Variants in PIGZ observed in about 807,000 individuals in gnomAD.
PIGZ encodes phosphatidylinositol glycan anchor biosynthesis class Z (Gwada blood group), also known as GPI alpha-1,2-mannosyltransferase 4.
In PIGZ, 16 loss-of-function variants were observed where a neutral mutation model predicts 16.4. The ratio of observed to expected loss-of-function variants is 0.97; its 90% confidence interval spans 0.66 to 1.48. PIGZ has a LOEUF of 1.48. PIGZ is among the 40% of genes most tolerant of loss of function. PIGZ has a pLI of 0.00. For synonymous variants in PIGZ, 409 were observed against 338.4 expected (o/e 1.21, Z -2.29); for missense variants, 770 against 739.2 (o/e 1.04, Z -0.48).
chr3:196,947,523 G>A lies in PIGZ; in HGVS notation c.1374C>T (p.Tyr458=), dbSNP rs762841435. 1.2e-6 allele frequency: 2 copies of A among 1,613,754 alleles called. No homozygotes were observed. Among genetic ancestry groups the A allele is most frequent in the Non-Finnish European group, 1.7e-6 (2 of 1,180,012 alleles). ...APVLPSTPTH[Y]TLLFTHTYMP... ...TGTAGGTGTGAGTGAAGAGGAGTGT[G>A]TAGTGGGTGGGTGTGCTTGGGAGCA... is the stretch of plus-strand genomic sequence containing the variant. The change falls in exon 3 of 3, where the codon TAC becomes TAT. Residue 458 remains tyrosine (Y), a synonymous_variant. Coordinates refer to ENST00000412723, the MANE Select transcript of PIGZ (RefSeq NM_025163.4).
Position 196,960,013 on chromosome 3 carries a change from T to A in PIGZ, c.1-7982A>T, listed in dbSNP as rs78260750. Among the ~76,000 whole-genome samples, 45 of 152,354 alleles carry A rather than the reference T, an allele frequency of 3.0e-4. No homozygotes were observed. The East Asian group carries it at 8.1e-3, about 27-fold the overall frequency. On this transcript the variant is annotated intron_variant, in intron 1 of 2. Transcript: ENST00000412723. ...AAACAAGATCATTGAAGACATGGGA[T>A]GTTCGTGCATCAGCTTTCCACTATC...
At position 196,947,124 on chromosome 3, in the gene PIGZ, T is replaced by G; in HGVS notation, c.*33A>C. The G allele has an allele frequency of 2.0e-6, 3 of 1,511,684 alleles. No individual in the cohort carries two copies. Among genetic ancestry groups the G allele is most frequent in the Non-Finnish European group, 2.7e-6 (3 of 1,128,014 alleles). The allele number at this position is 1,511,684 out of a possible 1,614,324, so 93.6% of individuals were successfully genotyped here. A position where few individuals can be genotyped will look rare whatever the true frequency, so the allele number is the denominator to read the frequency against. On this transcript the variant is annotated 3_prime_UTR_variant, in exon 3 of 3. Transcript: ENST00000412723. ...AAGGTGGGGCGGCATCTTCTATGGC[T>G]GAGTCTTGGGCAGTGGGTGCTCTGT...
At chr3:196,967,162 G>T (rs996660881) in intron 1 of PIGZ, among the ~76,000 whole-genome samples, 2 of 152,058 alleles carry the variant, frequency 1.3e-5, no homozygotes, top group Non-Finnish European at 2.9e-5. Flanking sequence ...GGAGGGGAGG[G>T]AAGGGAGTAG....
chr3:196,955,821 T>C (rs1235613955), intron 1 of PIGZ, among the ~76,000 whole-genome samples: 5 of 152,032 alleles, frequency 3.3e-5, no homozygotes, highest in Non-Finnish European at 7.4e-5. Flanking sequence ...TCAGGTGATC[T>C]GCCCACCTCA....
chr3:196,948,878 T>TC (rs768686394), intron 2 of PIGZ, among the ~76,000 whole-genome samples, 193 bp from the exon 3 acceptor site: 3,015 of 19,970 alleles, frequency 0.15, 982 homozygotes, highest in African/African-American at 0.46. Context: ...CTTCCTTCCT[T>TC]CCCTTCCTTC....
Position 196,948,293 on chromosome 3 carries a change from G to T in PIGZ, c.604C>A (p.Arg202Ser), listed in dbSNP as rs202160888. ...CGTGGACCCGGCGCCGGCTCCTTGC[G>T]TGTAGGGCCCCACGTTACATGGGAG... The part of the protein sequence containing the change: ...VSSHVTWGPT[R>S]KEPAPGPRWR... The change falls in exon 3 of 3, where the codon CGC becomes AGC. Residue 202 changes from arginine (R) to serine (S), a missense_variant. Arg to Ser is a moderately radical substitution (Grantham distance 110, BLOSUM62 -1). Transcript: ENST00000412723. 6.2e-6 allele frequency: 10 copies of T among 1,614,016 alleles called. No individual in the cohort carries two copies. The Admixed American group carries it at 1.3e-4, about 22-fold the overall frequency.
intron 1 of PIGZ, among the ~76,000 whole-genome samples, chr3:196,955,255 T>C (rs535825392): frequency 6.6e-6 from 1 of 152,314 alleles, no homozygotes; most frequent in East Asian, 1.9e-4. Flanking sequence ...ATTTATTGAT[T>C]TTTTACTGCT....
At chr3:196,948,870 TCCTTCCTTC>T (rs372510936) in intron 2 of PIGZ, among the ~76,000 whole-genome samples, 185 bp from the exon 3 acceptor site, 22,169 of 66,106 alleles carry the variant, frequency 0.34, 8,309 homozygotes, top group Admixed American at 0.41. Context: ...TTCCTTCCCT[TCCTTCCTTC>T]CCTTCCTTCC....
chr3:196,950,744 C>T (rs1381727391), intron 2 of PIGZ, among the ~76,000 whole-genome samples: 1 of 145,602 alleles, frequency 6.9e-6, no homozygotes, highest in African/African-American at 2.6e-5. Flanking sequence ...CTTCATTAGA[C>T]TTTTTTTTTT....
Position 196,947,701 on chromosome 3 carries a change from A to G in PIGZ, c.1196T>C (p.Leu399Pro), listed in dbSNP as rs759353698. 6.8e-6 allele frequency: 11 copies of G among 1,613,254 alleles called. No homozygotes were observed. Among genetic ancestry groups the G allele is most frequent in the Non-Finnish European group, 9.3e-6 (11 of 1,179,594 alleles). Residue 399 changes from leucine (L) to proline (P), a missense_variant, in exon 3 of 3, where the codon CTG (leucine) becomes CCG (proline). Transcript: ENST00000412723. Reference sequence around the variant, plus strand: ...CGTCTGTGGACTACAAAGCAGGACCAGGGGGACCAGGAGGGGAATCAGGAA... The same window carrying G: ...CGTCTGTGGACTACAAAGCAGGACCGGGGGGACCAGGAGGGGAATCAGGAA... ...ARFLIPLLVPLVLLCSPQTQP... is the reference protein window; with the variant it reads ...ARFLIPLLVPPVLLCSPQTQP...
chr3:196,947,434 C>T lies in PIGZ; in HGVS notation c.1463G>A (p.Gly488Glu), dbSNP rs368037497. ...GCACAGGGCCCAGTCCTCAGTCCCCCCCATGTCCACCACCTCCACTGGTGC... is the reference window on the plus strand; with the variant it reads ...GCACAGGGCCCAGTCCTCAGTCCCCTCCATGTCCACCACCTCCACTGGTGC... ...LGAPVEVVDM[G>E]GTEDWALCQT... The change falls in exon 3 of 3, where the codon GGG becomes GAG. Residue 488 changes from glycine (G) to glutamate (E), a missense_variant. Transcript: ENST00000412723. 20 of 1,613,670 alleles carry T rather than the reference C, an allele frequency of 1.2e-5. 1 individual carries two copies. Among genetic ancestry groups the T allele is most frequent in the South Asian group, 8.8e-5 (8 of 91,076 alleles).
At chr3:196,955,011 G>A (rs375249387) in intron 1 of PIGZ, among the ~76,000 whole-genome samples, 2 of 151,598 alleles carry the variant, frequency 1.3e-5, no homozygotes, top group Admixed American at 6.6e-5. Context: ...CTGTAGCCTC[G>A]ACCTCCTGGG....
At chr3:196,951,192 A>G (rs1717266967) in intron 2 of PIGZ, among the ~76,000 whole-genome samples, 1 of 152,240 alleles carries the variant, frequency 6.6e-6, no homozygotes, top group Non-Finnish European at 1.5e-5. Context: ...ATGACCTTAA[A>G]GAGAGAAGTA....
At position 196,946,690 on chromosome 3, in the gene PIGZ, ATACTT is replaced by A. The variant is rs1282769692; in HGVS notation, c.*462_*466del. On this transcript the variant is annotated 3_prime_UTR_variant, in exon 3 of 3. Coordinates refer to ENST00000412723, the MANE Select transcript of PIGZ (RefSeq NM_025163.4). ...CCTGGATCTGGGCCACCTGTTCTCTATACTTCGTCTCACTGACTTGCACATATTTC... is the reference window on the plus strand; with the variant it reads ...CCTGGATCTGGGCCACCTGTTCTCTACGTCTCACTGACTTGCACATATTTC... 2.0e-5 allele frequency: 3 copies of A among 153,096 alleles called. No individual in the cohort carries two copies. Among genetic ancestry groups the A allele is most frequent in the Non-Finnish European group, 4.4e-5 (3 of 68,724 alleles). The allele number at this position is 153,096 out of a possible 1,614,324, so 9.5% of individuals were successfully genotyped here.
At chr3:196,952,252 T>C (rs1235777202) in intron 1 of PIGZ, among the ~76,000 whole-genome samples, 1 of 152,168 alleles carries the variant, frequency 6.6e-6, no homozygotes, top group African/African-American at 2.4e-5. Flanking sequence ...GTTGTACAGA[T>C]GGGGAAACGG....
In PIGZ at chr3:196,948,350, G is replaced by A. The variant is rs768785973; in HGVS notation, c.547C>T (p.Leu183Phe). The change falls in exon 3 of 3, where the codon CTC becomes TTC. Residue 183 changes from leucine to phenylalanine, a missense_variant. Coordinates refer to ENST00000412723, the MANE Select transcript of PIGZ (RefSeq NM_025163.4). ...TRTFSNTIEG[L>F]LFTWLLVLVS... Reference sequence around the variant, plus strand: ...AGCACCAGCAGCCACGTGAAGAGGAGTCCCTCAATGGTGTTGGAGAAGGTC... The same window carrying A: ...AGCACCAGCAGCCACGTGAAGAGGAATCCCTCAATGGTGTTGGAGAAGGTC... 3.9e-5 allele frequency: 63 copies of A among 1,614,092 alleles called. No individual in the cohort carries two copies. The highest frequency in any genetic ancestry group is 1.2e-4 in the Admixed American group (7 of 60,002).
chr3:196,946,851 A>C lies in PIGZ; in HGVS notation c.*306T>G. ...TTGTCTTTTTTCACAACCAGGTACT[A>C]TCACATATTTCAAACATCACAGTGG... On this transcript the variant is annotated 3_prime_UTR_variant, in exon 3 of 3. Transcript: ENST00000412723. The C allele has an allele frequency of 3.2e-6, 1 of 309,392 alleles. No individual in the cohort carries two copies. Among genetic ancestry groups the C allele is most frequent in the Non-Finnish European group, 6.0e-6 (1 of 168,002 alleles). The allele number at this position is 309,392 out of a possible 1,614,324, so 19.2% of individuals were successfully genotyped here. A position where few individuals can be genotyped will look rare whatever the true frequency, so the allele number is the denominator to read the frequency against.
intron 1 of PIGZ, among the ~76,000 whole-genome samples, chr3:196,968,155 G>A (rs1229846090): frequency 6.6e-6 from 1 of 152,198 alleles, no homozygotes; most frequent in Non-Finnish European, 1.5e-5. Flanking sequence ...CCTGGGGCAG[G>A]AGGCCATCCT....
chr3:196,960,085 G>A (rs1352658480), intron 1 of PIGZ, among the ~76,000 whole-genome samples: 1 of 152,176 alleles, frequency 6.6e-6, no homozygotes, highest in African/African-American at 2.4e-5. Context: ...AGTTATGGTG[G>A]CCACAGTACT....
Sources: allele counts gnomAD v4.1 joint callset (sites outside exome capture counted in the v4.1 genomes callset), GRCh38; gene constraint gnomAD v4.1.1; transcripts MANE v1.5; gene names NCBI Gene and HGNC (gene_info 2026-07-23, HGNC 2026-07-21).